Variants in PSMF1 observed in about 807,000 individuals in gnomAD.
The protein encoded by PSMF1 is proteasome inhibitor subunit 1.
A neutral mutation model predicts 29.3 loss-of-function variants in PSMF1; 30 were observed. The observed-to-expected ratio is 1.02, with a 90% CI of 0.77 to 1.39. PSMF1 has a LOEUF of 1.39. Ranked by LOEUF, PSMF1 falls within the 40% of genes most tolerant of loss-of-function variation. The pLI is 0.00. For synonymous variants in PSMF1, 134 were observed against 139.7 expected (o/e 0.96, Z 0.29); for missense variants, 344 against 357.5 (o/e 0.96, Z 0.31).
At chr20:1,127,337 T>C in intron 2 of PSMF1, 89 bp from the exon 3 acceptor site, 1 of 962,834 alleles carries the variant, frequency 1.0e-6, no homozygotes, top group Non-Finnish European at 1.7e-6. Flanking sequence ...AATATTTCTT[T>C]AGGTTGAAGA....
At chr20:1,154,061 G>C (rs563839909) in intron 4 of PSMF1, among the ~76,000 whole-genome samples, 2 of 152,260 alleles carry the variant, frequency 1.3e-5, no homozygotes, top group Admixed American at 6.5e-5. Context: ...GTATTACTTG[G>C]CCATTAAAAA....
intron 3 of PSMF1, 126 bp downstream of exon 3, chr20:1,127,634 A>G (rs187229865): frequency 1.3e-6 from 1 of 751,586 alleles, no homozygotes; most frequent in African/African-American, 1.7e-5. Context: ...ATTTCTGGGC[A>G]CAACTTCCTA....
chr20:1,160,107 A>G (rs934861439), intron 4 of PSMF1, among the ~76,000 whole-genome samples: 3 of 152,080 alleles, frequency 2.0e-5, no homozygotes, highest in African/African-American at 4.8e-5. Flanking sequence ...AGGAAAGTAT[A>G]AAGAAAGCCC....
At chr20:1,119,275 C>T (rs2086053178) in intron 1 of PSMF1, among the ~76,000 whole-genome samples, 1 of 152,128 alleles carries the variant, frequency 6.6e-6, no homozygotes, top group African/African-American at 2.4e-5. Flanking sequence ...AACTCCTTAC[C>T]ACCCAGCCTC....
Position 1,165,390 on chromosome 20 carries a change from G to C in PSMF1, c.*310G>C. 7.8e-7 allele frequency: 1 copy of C among 1,280,746 alleles called. No individual in the cohort carries two copies. The highest frequency in any genetic ancestry group is 9.9e-7 in the Non-Finnish European group (1 of 1,011,246). 79.3% of individuals were successfully genotyped at this position (1,280,746 alleles called of 1,614,324 possible). ...GCAACCTTCAGCAACATATATCCTCGACCAGATGCAGTGCTATAAGAACAG... is the reference window on the plus strand; with the variant it reads ...GCAACCTTCAGCAACATATATCCTCCACCAGATGCAGTGCTATAAGAACAG... On this transcript the variant is annotated 3_prime_UTR_variant, in exon 7 of 7. Transcript: ENST00000335877.
intron 3 of PSMF1, among the ~76,000 whole-genome samples, chr20:1,133,494 C>T (rs908272705): frequency 7.2e-6 from 1 of 139,026 alleles, no homozygotes; most frequent in East Asian, 2.0e-4. Flanking sequence ...TCAATTTGCT[C>T]ATATTTTGTT....
chr20:1,132,900 G>T (rs2086248517), intron 3 of PSMF1, among the ~76,000 whole-genome samples: 1 of 149,798 alleles, frequency 6.7e-6, no homozygotes. Context: ...TAGAAATGTA[G>T]TTGATTTTCC....
chr20:1,125,613 C>T lies in PSMF1; in HGVS notation c.245C>T (p.Ala82Val). ...GGGTCCAGAAAGCTCCTTGTGAAAG[C>T]CATCACCGTGGAGAGCAGCATGATC... ...KDGSRKLLVK[A>V]ITVESSMILN... The change falls in exon 2 of 7, where the codon GCC becomes GTC. Residue 82 changes from alanine (A) to valine (V), a missense_variant. Physicochemically the swap from Ala to Val is moderately conservative, Grantham distance 64 (BLOSUM62 0). Coordinates refer to ENST00000335877, the MANE Select transcript of PSMF1 (RefSeq NM_006814.5). 1 of 1,613,918 alleles carries T rather than the reference C, an allele frequency of 6.2e-7. No homozygotes were observed. Among genetic ancestry groups the T allele is most frequent in the South Asian group, 1.1e-5 (1 of 91,056 alleles).
At chr20:1,142,363 G>A (rs2086393323) in intron 4 of PSMF1, among the ~76,000 whole-genome samples, 1 of 152,094 alleles carries the variant, frequency 6.6e-6, no homozygotes, top group Admixed American at 6.5e-5. Flanking sequence ...TTGGTGTGCT[G>A]CACCCATTAA....
At position 1,166,195 on chromosome 20, in the gene PSMF1, C is replaced by T. The variant is rs2086727755; in HGVS notation, c.*1115C>T. ...CCCTGCACCTTGTGTCCTGGCCCAC[C>T]TGACCTTTGGTGTTCTCCGGATCCT... On this transcript the variant is annotated 3_prime_UTR_variant, in exon 7 of 7. Coordinates refer to ENST00000335877, the MANE Select transcript of PSMF1 (RefSeq NM_006814.5). The T allele has an allele frequency of 1.2e-6, 2 of 1,611,386 alleles. No individual in the cohort carries two copies. The highest frequency in any genetic ancestry group is 1.7e-6 in the Non-Finnish European group (2 of 1,179,410).
At chr20:1,123,314 G>T (rs2086113726) in intron 1 of PSMF1, among the ~76,000 whole-genome samples, 1 of 152,102 alleles carries the variant, frequency 6.6e-6, no homozygotes, top group Non-Finnish European at 1.5e-5. Context: ...GTTTTGCTTT[G>T]CTGGACCTTT....
intron 4 of PSMF1, among the ~76,000 whole-genome samples, chr20:1,145,790 G>T (rs1054738811): frequency 6.6e-6 from 1 of 152,170 alleles, no homozygotes; most frequent in Non-Finnish European, 1.5e-5. Context: ...AAATGAGAAG[G>T]ATACCAGCCA....
At chr20:1,133,570 T>TATATATATATA (rs1555760108) in intron 3 of PSMF1, among the ~76,000 whole-genome samples, 855 of 63,124 alleles carry the variant, frequency 0.014, 29 homozygotes, top group African/African-American at 0.043. Flanking sequence ...TATATATATA[T>TATATATATATA]TTTTTTTTTT....
At chr20:1,152,031 G>A (rs1427709947) in intron 4 of PSMF1, among the ~76,000 whole-genome samples, 1 of 152,030 alleles carries the variant, frequency 6.6e-6, no homozygotes, top group Non-Finnish European at 1.5e-5. Flanking sequence ...AGCCATCAAT[G>A]TTTTGAAAAG....
intron 4 of PSMF1, among the ~76,000 whole-genome samples, chr20:1,149,281 A>G (rs1470779924): frequency 6.6e-6 from 1 of 152,236 alleles, no homozygotes; most frequent in Non-Finnish European, 1.5e-5. Context: ...GTAATGTGGA[A>G]TCAATCCATA....
intron 4 of PSMF1, among the ~76,000 whole-genome samples, chr20:1,151,293 T>C (rs2086527491): frequency 6.6e-6 from 1 of 152,160 alleles, no homozygotes; most frequent in Non-Finnish European, 1.5e-5. Flanking sequence ...ATTTTGCAGG[T>C]AAGGAAGCTG....
At chr20:1,133,993 C>CTT (rs140244981) in intron 3 of PSMF1, among the ~76,000 whole-genome samples, 10 of 52,926 alleles carry the variant, frequency 1.9e-4, no homozygotes, top group Admixed American at 1.2e-3. Flanking sequence ...ACTGTGTCCT[C>CTT]TCTTTGTATT....
At chr20:1,158,688 A>T (rs1174257331) in intron 4 of PSMF1, among the ~76,000 whole-genome samples, 1 of 152,222 alleles carries the variant, frequency 6.6e-6, no homozygotes, top group African/African-American at 2.4e-5. Flanking sequence ...GAGCTCAGCC[A>T]TGCAGTTTTT....
Position 1,118,825 on chromosome 20 carries a change from A to G in PSMF1, c.52A>G (p.Arg18Gly). ...FASAAPAITC[R>G]QDALVCFLHW... The stretch of plus-strand genomic sequence containing the variant: ...ATCGGCAGCGCCGGCCATCACCTGC[A>G]GGCAGGACGCGCTCGTCTGCTTCTT... Residue 18 changes from arginine (R) to glycine (G), a missense_variant, in exon 1 of 7, where the codon AGG becomes GGG. Physicochemically the swap from Arg to Gly is moderately radical, Grantham distance 125. Transcript: ENST00000335877. 6.2e-7 allele frequency: 1 copy of G among 1,613,768 alleles called. No homozygotes were observed. The highest frequency in any genetic ancestry group is 1.1e-5 in the South Asian group (1 of 91,078).
Sources: gnomAD v4.1 joint callset for allele counts (sites outside exome capture counted in the v4.1 genomes callset) on GRCh38, gnomAD v4.1.1 for gene constraint, MANE v1.5 for transcripts, NCBI Gene and HGNC (gene_info 2026-07-23, HGNC 2026-07-21) for gene names.